CSNK1G1: variants seen among roughly 807,000 people sequenced by gnomAD.
CSNK1G1 encodes the protein casein kinase I isoform gamma-1.
Under a neutral mutation model 59.6 loss-of-function variants are expected in CSNK1G1, and 22 were observed. That is an observed-to-expected ratio of 0.37 (90% CI 0.26 to 0.53). The LOEUF is 0.53. CSNK1G1 is among the 20% of genes least tolerant of loss of function. CSNK1G1 has a pLI of 0.89. For synonymous variants in CSNK1G1, 179 were observed against 177.1 expected, an observed-to-expected ratio of 1.01 and a Z score of -0.08; for missense variants, 384 against 519.5, an observed-to-expected ratio of 0.74 and a Z score of 2.54.
At position 64,214,586 on chromosome 15, in the gene CSNK1G1, T is replaced by A. The variant is rs1282698111; in HGVS notation, c.445-462A>T. Among the ~76,000 whole-genome samples, 1 of 152,204 alleles carries A rather than the reference T, an allele frequency of 6.6e-6. No individual in the cohort carries two copies. Among genetic ancestry groups the A allele is most frequent in the South Asian group, 2.1e-4 (1 of 4,826 alleles). ...AGACTACCCAACCCAGTTTTCGATG[T>A]TGTGAGGCCCAGAGAAGTTAATACT... On this transcript the variant is annotated intron_variant, in intron 5 of 11. Coordinates refer to ENST00000303052, the MANE Select transcript of CSNK1G1 (RefSeq NM_022048.5). The surrounding 1 kb of genome is among the most constrained non-coding windows in gnomAD (Gnocchi z 4.3).
intron 2 of CSNK1G1, among the ~76,000 whole-genome samples, chr15:64,287,740 T>C (rs1424574822): frequency 2.0e-5 from 3 of 152,206 alleles, no homozygotes; most frequent in Non-Finnish European, 4.4e-5. Flanking sequence ...TACTTAATTA[T>C]CTTTTCAGTC....
intron 3 of CSNK1G1, among the ~76,000 whole-genome samples, chr15:64,257,875 A>G (rs1467718290): frequency 6.6e-6 from 1 of 152,126 alleles, no homozygotes; most frequent in East Asian, 1.9e-4. Context: ...GCATTGTTAC[A>G]TGTATTACCT....
Position 64,300,637 on chromosome 15 carries a change from T to C in CSNK1G1, c.-138A>G. 7.4e-7 allele frequency: 1 copy of C among 1,354,174 alleles called. No homozygotes were observed. The highest frequency in any genetic ancestry group is 2.3e-5 in the South Asian group (1 of 42,850). 83.9% of individuals were successfully genotyped at this position (1,354,174 alleles called of 1,614,324 possible). A position where few individuals can be genotyped will look rare whatever the true frequency, so the allele number is the denominator to read the frequency against. On this transcript the variant is annotated 5_prime_UTR_variant, in exon 2 of 12. Transcript: ENST00000303052. Reference sequence around the variant, plus strand: ...CTTTTAGCACCATATTTGTTTGTAATGTATCTCCGGGAGATGAAAAACCAT... The same window carrying C: ...CTTTTAGCACCATATTTGTTTGTAACGTATCTCCGGGAGATGAAAAACCAT...
chr15:64,204,069 G>A (rs2140248683), intron 9 of CSNK1G1, among the ~76,000 whole-genome samples: 1 of 152,014 alleles, frequency 6.6e-6, no homozygotes, highest in Middle Eastern at 3.4e-3. Flanking sequence ...CTTGAACTCA[G>A]GAGGCGGAGG....
At chr15:64,255,884 T>C (rs1892349357) in intron 3 of CSNK1G1, among the ~76,000 whole-genome samples, 1 of 152,240 alleles carries the variant, frequency 6.6e-6, no homozygotes, top group Admixed American at 6.5e-5. Flanking sequence ...TAGGAAGCGC[T>C]ATGAAGAAAG....
At chr15:64,271,359 C>A (rs1893294620) in intron 2 of CSNK1G1, among the ~76,000 whole-genome samples, 1 of 152,084 alleles carries the variant, frequency 6.6e-6, no homozygotes, top group Non-Finnish European at 1.5e-5. Context: ...CCCATCTTGG[C>A]TCACTGCAAC....
At chr15:64,285,042 A>G (rs1305113876) in intron 2 of CSNK1G1, among the ~76,000 whole-genome samples, 1 of 152,120 alleles carries the variant, frequency 6.6e-6, no homozygotes, top group Non-Finnish European at 1.5e-5. Context: ...TGTGCAATCT[A>G]TACAAAATAA....
Position 64,349,279 on chromosome 15 carries a change from T to C in CSNK1G1, c.-225+6709A>G, listed in dbSNP as rs182408342. ...ATGGGGATCCAATGCTATTGTTCCCTGGCAAATTTATGTAGCATTTTGATG... is the reference window on the plus strand; with the variant it reads ...ATGGGGATCCAATGCTATTGTTCCCCGGCAAATTTATGTAGCATTTTGATG... On this transcript the variant is annotated intron_variant, in intron 1 of 11. Transcript: ENST00000303052. 9.9e-5 allele frequency among the ~76,000 whole-genome samples: 15 copies of C among 152,260 alleles called. No individual in the cohort carries two copies. The East Asian group carries it at 1.9e-3, about 20-fold the overall frequency.
chr15:64,317,369 G>A lies in CSNK1G1; in HGVS notation c.-224-16646C>T, dbSNP rs1458924377. Among the ~76,000 whole-genome samples the A allele has an allele frequency of 2.6e-5, 4 of 152,152 alleles. No individual in the cohort carries two copies. The East Asian group carries it at 7.7e-4, about 29-fold the overall frequency. ...CTCCCAAAGTGCTGGGATTACAGGCGTGAGCCACTGTGCCCGGCCTAAAGT... is the reference window on the plus strand; with the variant it reads ...CTCCCAAAGTGCTGGGATTACAGGCATGAGCCACTGTGCCCGGCCTAAAGT... On this transcript the variant is annotated intron_variant, in intron 1 of 11. Coordinates refer to ENST00000303052, the MANE Select transcript of CSNK1G1 (RefSeq NM_022048.5).
chr15:64,323,286 TA>T (rs1896661646), intron 1 of CSNK1G1, among the ~76,000 whole-genome samples: 1 of 152,138 alleles, frequency 6.6e-6, no homozygotes, highest in South Asian at 2.1e-4. Flanking sequence ...TAAAATCTGC[TA>T]TGACATTGAA....
chr15:64,166,956 G>C lies in CSNK1G1; in HGVS notation c.*4975C>G, dbSNP rs1288982921. On this transcript the variant is annotated 3_prime_UTR_variant, in exon 12 of 12. Coordinates refer to ENST00000303052, the MANE Select transcript of CSNK1G1 (RefSeq NM_022048.5). The surrounding 1 kb of genome is among the most constrained non-coding windows in gnomAD (Gnocchi z 4.5). Reference sequence around the variant, plus strand: ...GAACGGAGGTTTCTTTGTAACATCAGGTTTGGTAATCAAACTAGAAATACA... The same window carrying C: ...GAACGGAGGTTTCTTTGTAACATCACGTTTGGTAATCAAACTAGAAATACA... 3 of 152,316 alleles carry C rather than the reference G, an allele frequency of 2.0e-5. No individual in the cohort carries two copies. The East Asian group carries it at 5.8e-4, about 29-fold the overall frequency. 9.4% of individuals were successfully genotyped at this position (152,316 alleles called of 1,614,324 possible).
In CSNK1G1 at chr15:64,216,893, T is replaced by C. The variant is rs1410571684; in HGVS notation, c.293-180A>G. 6.6e-6 allele frequency among the ~76,000 whole-genome samples: 1 copy of C among 152,218 alleles called. No homozygotes were observed. Among genetic ancestry groups the C allele is most frequent in the Non-Finnish European group, 1.5e-5 (1 of 68,036 alleles). The stretch of plus-strand genomic sequence containing the variant: ...CAACAGCTTCAATGGGAACTAATAA[T>C]GATGGGAAAGGCTAAGTCATTGCAC... On this transcript the variant is annotated intron_variant, in intron 4 of 11. Transcript: ENST00000303052. This position sits in a 1 kb window ranked among gnomAD's most constrained non-coding sequence, Gnocchi z 4.6.
chr15:64,223,724 T>C (rs2082420594), intron 4 of CSNK1G1, among the ~76,000 whole-genome samples: 1 of 152,210 alleles, frequency 6.6e-6, no homozygotes, highest in Non-Finnish European at 1.5e-5. Context: ...AGTACATATG[T>C]TATCTTGTAT....
intron 1 of CSNK1G1, among the ~76,000 whole-genome samples, chr15:64,315,146 GAGA>G (rs201579589): frequency 0.012 from 1,891 of 152,322 alleles, 27 homozygotes; most frequent in African/African-American, 0.044. Flanking sequence ...TGGTGCGGAT[GAGA>G]AGAAGAGGGA....
In CSNK1G1 at chr15:64,244,868, G is replaced by A. The variant is rs1339417260; in HGVS notation, c.292+6644C>T. Among the ~76,000 whole-genome samples the A allele has an allele frequency of 2.0e-5, 3 of 152,122 alleles. No homozygotes were observed. The South Asian group carries it at 6.2e-4, about 32-fold the overall frequency. The stretch of plus-strand genomic sequence containing the variant: ...GCTGGAGGCATCACCCACTAATCAC[G>A]CACTACCTGATGTCAAAATATACTA... On this transcript the variant is annotated intron_variant, in intron 4 of 11. Coordinates refer to ENST00000303052, the MANE Select transcript of CSNK1G1 (RefSeq NM_022048.5).
chr15:64,344,297 T>C (rs989521293), intron 1 of CSNK1G1, among the ~76,000 whole-genome samples: 2 of 152,196 alleles, frequency 1.3e-5, no homozygotes, highest in Admixed American at 1.3e-4. Flanking sequence ...CAGATGCATA[T>C]TAAATTAATC....
At chr15:64,181,086 T>C in intron 10 of CSNK1G1, 2 of 1,328,656 alleles carry the variant, frequency 1.5e-6, no homozygotes, top group South Asian at 3.1e-5. Context: ...CTCATGGCTT[T>C]GAGCACTGGT....
At chr15:64,341,980 G>A (rs903347787) in intron 1 of CSNK1G1, among the ~76,000 whole-genome samples, 2 of 152,114 alleles carry the variant, frequency 1.3e-5, no homozygotes, top group Non-Finnish European at 1.5e-5. Flanking sequence ...AATTTCCATC[G>A]GTTATTCCTC....
chr15:64,194,512 CTTTT>C (rs1480102920), intron 10 of CSNK1G1, among the ~76,000 whole-genome samples: 4 of 140,232 alleles, frequency 2.9e-5, no homozygotes, highest in African/African-American at 1.1e-4. Context: ...CTTTTCTTTT[CTTTT>C]CTTTTTTTTT....
Sources: gnomAD v4.1 joint callset for allele counts (sites outside exome capture counted in the v4.1 genomes callset) on GRCh38, gnomAD v4.1.1 for gene constraint, Gnocchi (gnomAD v3.1) non-coding constraint, MANE v1.5 for transcripts, NCBI Gene and HGNC (gene_info 2026-07-23, HGNC 2026-07-21) for gene names.